The following EIF3A variants were observed in gnomAD, a reference collection of about 807,000 sequenced individuals.
EIF3A encodes the protein eukaryotic translation initiation factor 3 subunit A.
EIF3A carries 21 observed loss-of-function variants against 186.6 expected under a neutral mutation model. That is an observed-to-expected ratio of 0.11 (90% confidence interval 0.08 to 0.16). EIF3A has a LOEUF of 0.16. EIF3A is among the 10% of genes least tolerant of loss of function. The probability of loss-of-function intolerance (pLI) is 1.00; values close to 1 mark genes in which losing one functional copy is unlikely to be tolerated. For synonymous variants in EIF3A, 563 were observed against 584.3 expected, an observed-to-expected ratio of 0.96 and a Z score of 0.52; for missense variants, 1,306 against 1,796.3, an observed-to-expected ratio of 0.73 and a Z score of 4.93.
At chr10:119,080,457 A>C (rs1383648954) in intron 1 of EIF3A, 171 bp downstream of exon 1, 1 of 985,162 alleles carries the variant, frequency 1.0e-6, no homozygotes, top group Non-Finnish European at 1.2e-6. Context: ...CAGTCGATAG[A>C]GTGAGAAGGA....
intron 4 of EIF3A, among the ~76,000 whole-genome samples, chr10:119,072,207 T>TAAA (rs1243808164): frequency 3.6e-5 from 3 of 82,496 alleles, no homozygotes; most frequent in African/African-American, 1.0e-4. Context: ...AAAAATAAAT[T>TAAA]AAAAAAAAAA....
chr10:119,061,882 G>A (rs1190937588), intron 7 of EIF3A, among the ~76,000 whole-genome samples: 1 of 152,138 alleles, frequency 6.6e-6, no homozygotes, highest in Non-Finnish European at 1.5e-5. Flanking sequence ...ATTTTACCAT[G>A]GAATATGTCA....
At chr10:119,050,702 A>C in intron 15 of EIF3A, 28 bp from the exon 16 acceptor site, 1 of 1,612,942 alleles carries the variant, frequency 6.2e-7, no homozygotes, top group Non-Finnish European at 8.5e-7. Context: ...CCCAACCCAA[A>C]AAGGGCACAC....
At chr10:119,073,688 T>C (rs1173087091) in intron 2 of EIF3A, 59 bp downstream of exon 2, 1 of 1,562,018 alleles carries the variant, frequency 6.4e-7, no homozygotes, top group Non-Finnish European at 8.6e-7. Context: ...GAAAGGTAAG[T>C]TCTTCGGCAG....
rs141006822 is a variant in EIF3A, at chr10:119,045,517, A to AC, written c.2659-1376dup. On this transcript the variant is annotated intron_variant, in intron 17 of 21. Transcript: ENST00000369144. ...ACAGCCAGAAGGCCAAGCTTCTCCC[A>AC]CCCCCATGCCTGCTTTGCAATTTAT... is the stretch of plus-strand genomic sequence containing the variant. Among the ~76,000 whole-genome samples the AC allele has an allele frequency of 2.1e-3, 327 of 152,220 alleles. 4 individuals are homozygous for AC. The East Asian group carries it at 0.044, about 21-fold the overall frequency.
chr10:119,050,462 A>C (rs1848341659), intron 16 of EIF3A, 59 bp downstream of exon 16: 1 of 1,522,526 alleles, frequency 6.6e-7, no homozygotes, highest in East Asian at 2.3e-5. Flanking sequence ...ATCACTAAAA[A>C]CTAGATCTTA....
rs372184162 is a variant in EIF3A, at chr10:119,073,729, A to T, written c.240+18T>A. The T allele has an allele frequency of 6.3e-7, 1 of 1,585,702 alleles. No homozygotes were observed. Among genetic ancestry groups the T allele is most frequent in the Non-Finnish European group, 8.6e-7 (1 of 1,166,726 alleles). ...TAAAAACACTTGTTAAAAATATACA[A>T]CCCAGTTCCGTTTGTACCTGTTGAC... is the stretch of plus-strand genomic sequence containing the variant. On this transcript the variant is annotated intron_variant, in intron 2 of 21. Coordinates refer to ENST00000369144, the MANE Select transcript of EIF3A (RefSeq NM_003750.4).
In EIF3A at chr10:119,080,721, T is replaced by A. The variant is rs776786266; in HGVS notation, c.-45A>T. On this transcript the variant is annotated 5_prime_UTR_variant, in exon 1 of 22. Transcript: ENST00000369144. ...CACCCGGCGTCAGCGAACTCTCTAG[T>A]GGCCCGGGCCGGGAGAGGAGACGAA... 3 of 1,563,546 alleles carry A rather than the reference T, an allele frequency of 1.9e-6. No individual in the cohort carries two copies. The highest frequency in any genetic ancestry group is 1.2e-5 in the South Asian group (1 of 84,778).
rs1405517537 is a variant in EIF3A, at chr10:119,036,127, G to C, written c.4061C>G (p.Ala1354Gly). The change falls in exon 22 of 22, where the codon GCC becomes GGC. Residue 1354 changes from alanine to glycine, a missense_variant. Ala to Gly is a moderately conservative substitution (Grantham distance 60). This residue lies in a region of EIF3A where 331 missense variants were observed against 365.8 expected (regional missense o/e 0.90). Transcript: ENST00000369144. ...DREREGEKEKASWRAEKDRES... is the reference protein window; with the variant it reads ...DREREGEKEKGSWRAEKDRES... ...CCTATCTTTCTCAGCTCTCCATGAG[G>C]CCTTCTCTTTTTCACCTTCTCTTTC... 5 of 1,613,704 alleles carry C rather than the reference G, an allele frequency of 3.1e-6. No homozygotes were observed. Among genetic ancestry groups the C allele is most frequent in the Non-Finnish European group, 4.2e-6 (5 of 1,179,906 alleles).
rs1353297198 is a variant in EIF3A at position 119,036,026 on chromosome 10, A to G, written c.*13T>C. 2.6e-5 allele frequency: 41 copies of G among 1,597,936 alleles called. No individual in the cohort carries two copies. The highest frequency in any genetic ancestry group is 3.5e-5 in the Non-Finnish European group (41 of 1,165,424). ...CTATTTAAGACACCAGTTTAAATCCATTATCTTGAGACTTAACGTCGTACT... is the reference window on the plus strand; with the variant it reads ...CTATTTAAGACACCAGTTTAAATCCGTTATCTTGAGACTTAACGTCGTACT... On this transcript the variant is annotated 3_prime_UTR_variant, in exon 22 of 22. Coordinates refer to ENST00000369144, the MANE Select transcript of EIF3A (RefSeq NM_003750.4).
rs542411648 is a variant in EIF3A at position 119,034,694 on chromosome 10, A to G, written c.*1345T>C. 1 of 152,362 alleles carries G rather than the reference A, an allele frequency of 6.6e-6. No homozygotes were observed. The highest frequency in any genetic ancestry group is 1.9e-4 in the East Asian group (1 of 5,192). 9.4% of individuals were successfully genotyped at this position (152,362 alleles called of 1,614,324 possible). ...TTCTCACCACTACTCAATAACAGAA[A>G]TAAGTGCCTACAGCCATGATGAATT... On this transcript the variant is annotated 3_prime_UTR_variant, in exon 22 of 22. Coordinates refer to ENST00000369144, the MANE Select transcript of EIF3A (RefSeq NM_003750.4).
Position 119,035,936 on chromosome 10 carries a change from A to G in EIF3A, c.*103T>C. On this transcript the variant is annotated 3_prime_UTR_variant, in exon 22 of 22. Transcript: ENST00000369144. ...ATGCTTTTTGTGTTATGGTGAAACA[A>G]CATTAAAGAATCCAATTTAGATTGG... 2 of 841,228 alleles carry G rather than the reference A, an allele frequency of 2.4e-6. No homozygotes were observed. Among genetic ancestry groups the G allele is most frequent in the South Asian group, 1.6e-5 (1 of 63,468 alleles). The allele number at this position is 841,228 out of a possible 1,614,324, so 52.1% of individuals were successfully genotyped here.
chr10:119,077,430 AAC>A (rs1414670722), intron 1 of EIF3A, among the ~76,000 whole-genome samples: 1 of 152,146 alleles, frequency 6.6e-6, no homozygotes, highest in Non-Finnish European at 1.5e-5. Context: ...CAGCCTGGCC[AAC>A]AGAGAGAGAT....
chr10:119,051,895 T>TG (rs1474494157), intron 14 of EIF3A, among the ~76,000 whole-genome samples: 17 of 152,228 alleles, frequency 1.1e-4, no homozygotes, highest in Non-Finnish European at 2.2e-4. Flanking sequence ...AATACTTTAT[T>TG]GCTAAAAAAT....
At chr10:119,066,799 G>T (rs562228095) in intron 6 of EIF3A, among the ~76,000 whole-genome samples, 1 of 152,258 alleles carries the variant, frequency 6.6e-6, no homozygotes, top group South Asian at 2.1e-4. Flanking sequence ...GAGTCATAAG[G>T]CTACTGCAAA....
At chr10:119,074,918 C>CAA (rs1170284096) in intron 1 of EIF3A, among the ~76,000 whole-genome samples, 1,499 of 22,900 alleles carry the variant, frequency 0.065, 26 homozygotes, top group African/African-American at 0.073. Context: ...AACTCCAACT[C>CAA]AAAAAAAAAA....
At chr10:119,076,617 C>G (rs1397028764) in intron 1 of EIF3A, among the ~76,000 whole-genome samples, 1 of 152,082 alleles carries the variant, frequency 6.6e-6, no homozygotes, top group Non-Finnish European at 1.5e-5. Flanking sequence ...TGGTCTTCTC[C>G]TATATAGTGC....
intron 1 of EIF3A, among the ~76,000 whole-genome samples, chr10:119,078,604 T>C (rs1449425285): frequency 6.6e-6 from 1 of 151,936 alleles, no homozygotes; most frequent in Admixed American, 6.6e-5. Context: ...AAGGTATGAG[T>C]TTCTACTCTG....
chr10:119,055,295 C>G (rs1356716232), intron 14 of EIF3A, among the ~76,000 whole-genome samples: 2 of 152,120 alleles, frequency 1.3e-5, no homozygotes, highest in East Asian at 1.9e-4. Flanking sequence ...AATGGCCAGT[C>G]GGTAGAACAG....
Sources: allele counts gnomAD v4.1 joint callset (sites outside exome capture counted in the v4.1 genomes callset), GRCh38; gene constraint gnomAD v4.1.1; regional missense constraint gnomAD v4.1.1; transcripts MANE v1.5; gene names NCBI Gene and HGNC (gene_info 2026-07-23, HGNC 2026-07-21).